The following ECRG4 variants were observed in gnomAD, a reference collection of about 807,000 sequenced individuals.
The protein encoded by ECRG4 is ECRG4 augurin precursor.
In ECRG4, 18 loss-of-function variants were observed where a neutral mutation model predicts 15.8. The observed-to-expected ratio is 1.14, with a 90% CI of 0.79 to 1.69. The LOEUF (loss-of-function observed/expected upper bound fraction) is 1.69, where lower values mean the gene tolerates loss of function less well. Among genes scored for constraint, ECRG4 ranks in the 40% most tolerant of loss-of-function variants. The pLI is 0.00. For missense variants in ECRG4, 200 were observed against 190.9 expected (o/e 1.05, Z -0.28); for synonymous variants, 82 against 73.9 (o/e 1.11, Z -0.56).
rs1573359340 is a variant in ECRG4, at chr2:106,069,163, TCTTTCTTTTTTC to T, written c.80-2680_80-2669del. ...TCTTTCTTTCTTTTCTTTCTTTCTT[TCTTTCTTTTTTC>T]TTTCTTTCTTTCTCTTTCTTCTTTC... On this transcript the variant is annotated intron_variant, in intron 1 of 3. Coordinates refer to ENST00000238044, the MANE Select transcript of ECRG4 (RefSeq NM_032411.3). Among the ~76,000 whole-genome samples the T allele has an allele frequency of 1.2e-4, 16 of 136,972 alleles. 1 individual carries two copies. In the South Asian group the frequency reaches 2.2e-3, roughly 18 times the overall value. 89.9% of individuals were successfully genotyped at this position (136,972 alleles called of 152,430 possible).
intron 1 of ECRG4, among the ~76,000 whole-genome samples, chr2:106,069,198 TTC>T (rs971923038): frequency 2.0e-5 from 3 of 150,986 alleles, no homozygotes; most frequent in Non-Finnish European, 3.0e-5. Flanking sequence ...TCTTTCTTCT[TTC>T]TTTTTTATTT....
At chr2:106,070,020 C>A (rs1378237358) in intron 1 of ECRG4, among the ~76,000 whole-genome samples, 1 of 152,172 alleles carries the variant, frequency 6.6e-6, no homozygotes, top group Non-Finnish European at 1.5e-5. Flanking sequence ...ACTCCCAGCT[C>A]TCATAGGGAA....
chr2:106,065,441 T>C (rs935011445), upstream of ECRG4, among the ~76,000 whole-genome samples: 3 of 152,182 alleles, frequency 2.0e-5, no homozygotes, highest in African/African-American at 4.8e-5. Context: ...CTAACCGCTT[T>C]CGCTGCGGGC....
intron 1 of ECRG4, among the ~76,000 whole-genome samples, chr2:106,069,684 T>C (rs939523891): frequency 3.3e-5 from 5 of 152,160 alleles, no homozygotes; most frequent in South Asian, 2.1e-4. Context: ...TTTAATTTCT[T>C]CTCATATAAC....
chr2:106,068,709 C>T (rs1211653843), intron 1 of ECRG4, among the ~76,000 whole-genome samples: 1 of 152,132 alleles, frequency 6.6e-6, no homozygotes, highest in Non-Finnish European at 1.5e-5. Context: ...TATGTACTAC[C>T]CTGTGAGCTG....
intron 1 of ECRG4, among the ~76,000 whole-genome samples, chr2:106,069,501 T>A: frequency 6.6e-6 from 1 of 151,916 alleles, no homozygotes; most frequent in Admixed American, 6.6e-5. Flanking sequence ...ACTAGGCTAA[T>A]TTTTTGTATT....
intron 3 of ECRG4, 51 bp downstream of exon 3, chr2:106,074,094 G>C (rs1392144397): frequency 6.3e-7 from 1 of 1,598,308 alleles, no homozygotes; most frequent in South Asian, 1.1e-5. Context: ...AAGGGTGGCA[G>C]GGAGGAGGCC....
At chr2:106,070,700 C>T (rs751975931) in intron 1 of ECRG4, 28 of 224,782 alleles carry the variant, frequency 1.2e-4, no homozygotes, top group Non-Finnish European at 2.2e-4. Flanking sequence ...GGGTCACAGA[C>T]ACTTTTAAGA....
intron 1 of ECRG4, chr2:106,070,796 T>C (rs1431152233): frequency 2.5e-6 from 1 of 396,106 alleles, no homozygotes; most frequent in East Asian, 7.4e-5. Flanking sequence ...CTAGACCCCC[T>C]GGAGCCTGTC....
At chr2:106,073,595 G>C (rs922319532) in intron 2 of ECRG4, among the ~76,000 whole-genome samples, 1 of 152,214 alleles carries the variant, frequency 6.6e-6, no homozygotes, top group Non-Finnish European at 1.5e-5. Flanking sequence ...CCCTGGGTGC[G>C]AGTGGGCTGC....
chr2:106,072,919 C>T (rs192546988), intron 2 of ECRG4, among the ~76,000 whole-genome samples: 5 of 152,228 alleles, frequency 3.3e-5, no homozygotes, highest in East Asian at 3.8e-4. Flanking sequence ...GTGTGCATCC[C>T]GCAGCCTTGA....
At chr2:106,065,667 C>A, upstream of ECRG4, 3 of 926,764 alleles carry the variant, frequency 3.2e-6, no homozygotes, top group Non-Finnish European at 4.4e-6. Flanking sequence ...GGATAACCCG[C>A]GGCCGCGCCT....
At chr2:106,068,919 GT>G (rs1336558696) in intron 1 of ECRG4, among the ~76,000 whole-genome samples, 1 of 152,174 alleles carries the variant, frequency 6.6e-6, no homozygotes, top group Non-Finnish European at 1.5e-5. Context: ...GCTCATCTAT[GT>G]TTATTTATGC....
intron 1 of ECRG4, among the ~76,000 whole-genome samples, chr2:106,067,626 C>T (rs1317098281): frequency 1.4e-5 from 2 of 141,236 alleles, no homozygotes; most frequent in Non-Finnish European, 3.1e-5. Context: ...TGTGTCACCA[C>T]GCCCAGCTAA....
intron 2 of ECRG4, among the ~76,000 whole-genome samples, chr2:106,072,999 G>T (rs1471084246): frequency 6.6e-6 from 1 of 152,194 alleles, no homozygotes; most frequent in African/African-American, 2.4e-5. Flanking sequence ...TCCCTCAAGG[G>T]ATTGTAAACA....
intron 1 of ECRG4, among the ~76,000 whole-genome samples, chr2:106,071,386 A>T (rs545936701): frequency 5.0e-4 from 76 of 151,224 alleles, no homozygotes; most frequent in African/African-American, 1.7e-3. Flanking sequence ...TAAAAAAAAA[A>T]TAAAAATCTT....
In ECRG4 at chr2:106,073,903, A is replaced by C; in HGVS notation, c.145A>C (p.Thr49Pro). 2 of 1,614,228 alleles carry C rather than the reference A, an allele frequency of 1.2e-6. No individual in the cohort carries two copies. Among genetic ancestry groups the C allele is most frequent in the Non-Finnish European group, 1.7e-6 (2 of 1,180,028 alleles). The change falls in exon 3 of 4, where the codon ACT (threonine) becomes CCT (proline). Residue 49 changes from threonine (T) to proline (P), a missense_variant. Thr to Pro is a conservative substitution (Grantham distance 38). Coordinates refer to ENST00000238044, the MANE Select transcript of ECRG4 (RefSeq NM_032411.3). ...GATTTCAGCACCTGTTCCAACTAAG[A>C]CTAAAGTGGCCGTTGATGAGAATAA... ...QKREAPVPTK[T>P]KVAVDENKAK...
intron 1 of ECRG4, among the ~76,000 whole-genome samples, chr2:106,069,107 CCT>C (rs1558655613): frequency 6.1e-5 from 8 of 131,302 alleles, no homozygotes; most frequent in Non-Finnish European, 3.4e-5. Context: ...TTCCTTCCTT[CCT>C]TCTTTTTCTT....
intron 2 of ECRG4, chr2:106,072,145 G>C (rs2290322): frequency 0.025 from 10,943 of 432,778 alleles, 241 homozygotes; most frequent in East Asian, 0.083. Context: ...AAAAGAAACA[G>C]TAGTACAGTG....
Sources: allele counts gnomAD v4.1 joint callset (sites outside exome capture counted in the v4.1 genomes callset), GRCh38; gene constraint gnomAD v4.1.1; transcripts MANE v1.5; gene names NCBI Gene and HGNC (gene_info 2026-07-23, HGNC 2026-07-21).